The following DENND6A variants were observed in gnomAD, a reference collection of about 807,000 sequenced individuals.
DENND6A encodes protein DENND6A.
DENND6A carries 43 observed loss-of-function variants against 95.5 expected under a neutral mutation model. The observed-to-expected ratio is 0.45, with a 90% CI of 0.35 to 0.58. The LOEUF is 0.58. Ranked by LOEUF, DENND6A falls within the 20% of genes least tolerant of loss-of-function variation. DENND6A has a pLI of 0.00. For missense variants in DENND6A, 574 were observed against 736.0 expected (o/e 0.78, Z 2.55); for synonymous variants, 257 against 260.4 (o/e 0.99, Z 0.13).
chr3:57,672,786 T>TCAAA (rs1463207275), intron 1 of DENND6A, among the ~76,000 whole-genome samples: 1 of 148,082 alleles, frequency 6.8e-6, no homozygotes, highest in Admixed American at 6.7e-5. Flanking sequence ...CCGTCTCAAA[T>TCAAA]CAAACAAACA....
chr3:57,639,344 A>T (rs2070874144), intron 12 of DENND6A, among the ~76,000 whole-genome samples: 1 of 152,212 alleles, frequency 6.6e-6, no homozygotes, highest in African/African-American at 2.4e-5. Flanking sequence ...ACTTTGGCAA[A>T]CAGTTTGGTG....
At chr3:57,684,233 G>A (rs566883628) in intron 1 of DENND6A, among the ~76,000 whole-genome samples, 1 of 151,510 alleles carries the variant, frequency 6.6e-6, no homozygotes, top group African/African-American at 2.4e-5. Context: ...AGGCCAAGGT[G>A]GGCAGATCAC....
chr3:57,661,576 T>G, intron 5 of DENND6A, 25 bp from the exon 6 acceptor site: 1 of 1,532,116 alleles, frequency 6.5e-7, no homozygotes, highest in Non-Finnish European at 8.8e-7. Flanking sequence ...AAAACAATGT[T>G]TTAAAAATTG....
intron 9 of DENND6A, among the ~76,000 whole-genome samples, chr3:57,653,859 T>C (rs905788829): frequency 2.6e-5 from 4 of 151,248 alleles, no homozygotes; most frequent in African/African-American, 9.7e-5. Flanking sequence ...CACATTTATA[T>C]TCCCATTCTG....
Position 57,666,311 on chromosome 3 carries a change from G to GA in DENND6A, c.320-77dup, listed in dbSNP as rs557308848. On this transcript the variant is annotated intron_variant, in intron 3 of 19. Transcript: ENST00000311128. ...ATCCAGTTTCATCAATTTTAGAGCT[G>GA]AAAAAAATCCTATCAATCATTTTAA... 105 of 1,177,354 alleles carry GA rather than the reference G, an allele frequency of 8.9e-5. No individual in the cohort carries two copies. In the African/African-American group the frequency reaches 1.6e-3, roughly 18 times the overall value. The allele number at this position is 1,177,354 out of a possible 1,614,324, so 72.9% of individuals were successfully genotyped here.
Position 57,681,790 on chromosome 3 carries a change from T to C in DENND6A, c.238-9352A>G, listed in dbSNP as rs543425561. Among the ~76,000 whole-genome samples the C allele has an allele frequency of 3.9e-5, 6 of 152,252 alleles. No homozygotes were observed. The South Asian group carries it at 1.0e-3, about 26-fold the overall frequency. ...TATGACATGGATGAACGTATATGAT[T>C]CCACTCCCATGAAAAGCATACAGAC... is the stretch of plus-strand genomic sequence containing the variant. On this transcript the variant is annotated intron_variant, in intron 1 of 19. Transcript: ENST00000311128.
chr3:57,666,190 G>A lies in DENND6A; in HGVS notation c.365C>T (p.Ser122Phe), dbSNP rs774607213. The A allele has an allele frequency of 1.2e-6, 2 of 1,613,804 alleles. No homozygotes were observed. Among genetic ancestry groups the A allele is most frequent in the Non-Finnish European group, 1.7e-6 (2 of 1,179,856 alleles). The change falls in exon 4 of 20, where the codon TCT becomes TTT. Residue 122 changes from serine (S) to phenylalanine (F), a missense_variant. By Grantham distance (155) the Ser-to-Phe change is radical. Coordinates refer to ENST00000311128, the MANE Select transcript of DENND6A (RefSeq NM_152678.3). ...ACAATGCAGCGACACCCTCCTCCCA[G>A]AAGACTGTCGAAATCTAAAACAAAA... The part of the protein sequence containing the change: ...TQFCFRFRQS[S>F]GRRVSLHCLL...
At chr3:57,657,625 A>C in intron 9 of DENND6A, 55 bp downstream of exon 9, 9 of 1,160,404 alleles carry the variant, frequency 7.8e-6, no homozygotes, top group Non-Finnish European at 1.1e-5. Context: ...AAATAAATTA[A>C]CACCACCACC....
At chr3:57,676,870 C>T (rs548683713) in intron 1 of DENND6A, among the ~76,000 whole-genome samples, 1 of 152,118 alleles carries the variant, frequency 6.6e-6, no homozygotes, top group South Asian at 2.1e-4. Flanking sequence ...GTCACCCAGG[C>T]TGGAGTGCAA....
In DENND6A at chr3:57,671,886, T is replaced by G. The variant is rs561002119; in HGVS notation, c.319+370A>C. ...CAAATTTATCCTGGCTTTTTTTAGG[T>G]TCACTGCTTTTACAGAGTTCCTGGT... On this transcript the variant is annotated intron_variant, in intron 3 of 19. Coordinates refer to ENST00000311128, the MANE Select transcript of DENND6A (RefSeq NM_152678.3). 1.4e-4 allele frequency among the ~76,000 whole-genome samples: 22 copies of G among 152,312 alleles called. No homozygotes were observed. The South Asian group carries it at 2.5e-3, about 17-fold the overall frequency.
chr3:57,690,394 C>T (rs2077251920), intron 1 of DENND6A, among the ~76,000 whole-genome samples: 3 of 151,766 alleles, frequency 2.0e-5, no homozygotes, highest in African/African-American at 7.3e-5. Flanking sequence ...GTCCCAGCAA[C>T]TTGGGAGGCT....
intron 15 of DENND6A, 32 bp from the exon 16 acceptor site, chr3:57,631,010 T>C (rs529966423): frequency 6.2e-7 from 1 of 1,600,528 alleles, no homozygotes; most frequent in Non-Finnish European, 8.5e-7. Context: ...ATAAAAGGAG[T>C]GTCTTCAAAA....
At chr3:57,670,955 C>A (rs950006260) in intron 3 of DENND6A, among the ~76,000 whole-genome samples, 1 of 152,180 alleles carries the variant, frequency 6.6e-6, no homozygotes, top group Non-Finnish European at 1.5e-5. Context: ...AATGAAGATA[C>A]ATTCCTACAA....
chr3:57,679,733 A>C (rs1325442659), intron 1 of DENND6A: 1 of 197,392 alleles, frequency 5.1e-6, no homozygotes, highest in Non-Finnish European at 9.1e-6. Context: ...AGCCTGAAGA[A>C]GTAAGGAGAG....
chr3:57,648,883 C>T (rs951935433), intron 9 of DENND6A, among the ~76,000 whole-genome samples: 6 of 152,126 alleles, frequency 3.9e-5, no homozygotes, highest in Admixed American at 2.0e-4. Context: ...TAATCAAAAA[C>T]TTAAATCTAA....
intron 1 of DENND6A, among the ~76,000 whole-genome samples, chr3:57,674,067 G>A (rs961793299): frequency 2.0e-5 from 3 of 151,788 alleles, no homozygotes; most frequent in African/African-American, 7.2e-5. Flanking sequence ...ACCGTGCCCA[G>A]TCAAGAATAT....
In DENND6A at chr3:57,661,491, T is replaced by C. The variant is rs751322402; in HGVS notation, c.574A>G (p.Ile192Val). 3.8e-6 allele frequency: 6 copies of C among 1,586,064 alleles called. No individual in the cohort carries two copies. The highest frequency in any genetic ancestry group is 4.6e-5 in the East Asian group (2 of 43,326). ...TTCTTTTCAAAATACTCTGGTGCTA[T>C]CTGTTTGAGCACAGTGTGAAAAAAA... Reference protein sequence around the residue: ...IHFFHTVLKQIAPEYFEKNEP... With the variant: ...IHFFHTVLKQVAPEYFEKNEP... The change falls in exon 6 of 20, where the codon ATA (isoleucine) becomes GTA (valine). Residue 192 changes from isoleucine to valine, a missense_variant. Ile to Val is a conservative substitution (Grantham distance 29). Transcript: ENST00000311128.
chr3:57,666,024 C>CA lies in DENND6A; in HGVS notation c.432+98dup, dbSNP rs2071520051. Reference sequence around the variant, plus strand: ...TCAGCTATATAATATAGTAGCAAAACAAAAGCAAAATATTTCTGAATGGTG... The same window carrying CA: ...TCAGCTATATAATATAGTAGCAAAACAAAAAGCAAAATATTTCTGAATGGTG... On this transcript the variant is annotated intron_variant, in intron 4 of 19. Coordinates refer to ENST00000311128, the MANE Select transcript of DENND6A (RefSeq NM_152678.3). 4 of 1,041,170 alleles carry CA rather than the reference C, an allele frequency of 3.8e-6. No individual in the cohort carries two copies. The South Asian group carries it at 6.2e-5, about 16-fold the overall frequency. The allele number at this position is 1,041,170 out of a possible 1,614,324, so 64.5% of individuals were successfully genotyped here.
In DENND6A at chr3:57,688,683, C is replaced by CAA. The variant is rs11406696; in HGVS notation, c.237+4097_237+4098dup. 1.3e-3 allele frequency among the ~76,000 whole-genome samples: 200 copies of CAA among 150,096 alleles called. 1 individual carries two copies. The highest frequency in any genetic ancestry group is 4.2e-3 in the African/African-American group (172 of 40,862). On this transcript the variant is annotated intron_variant, in intron 1 of 19. Transcript: ENST00000311128. ...AGAACAGACATGCAAAGACCAAAGA[C>CAA]AAAAAAAAACACACAGCTCCAGAGA... is the stretch of plus-strand genomic sequence containing the variant.
Sources: gnomAD v4.1 joint callset for allele counts (sites outside exome capture counted in the v4.1 genomes callset) on GRCh38, gnomAD v4.1.1 for gene constraint, MANE v1.5 for transcripts, NCBI Gene and HGNC (gene_info 2026-07-23, HGNC 2026-07-21) for gene names.